The following CIP2A variants were observed in gnomAD, a reference collection of about 807,000 sequenced individuals.
The protein encoded by CIP2A is protein CIP2A.
CIP2A carries 103 observed loss-of-function variants against 110.9 expected under a neutral mutation model. That is an observed-to-expected ratio of 0.93 (90% CI 0.79 to 1.09). The LOEUF (loss-of-function observed/expected upper bound fraction) is 1.09. CIP2A is among the 50% of genes least tolerant of loss of function. The pLI is 0.00. For synonymous variants in CIP2A, 381 were observed against 361.6 expected (o/e 1.05, Z -0.61); for missense variants, 1,088 against 1,038.4 (o/e 1.05, Z -0.66).
chr3:108,589,145 G>T, intron 1 of CIP2A, 129 bp downstream of exon 1: 1 of 673,412 alleles, frequency 1.5e-6, no homozygotes, highest in Admixed American at 2.6e-5. Context: ...TTACCAGTAC[G>T]AAAAGACAAC....
rs747866887 is a variant in CIP2A at position 108,554,492 on chromosome 3, G to GA, written c.2211-4dup. 2.0e-5 allele frequency: 24 copies of GA among 1,179,198 alleles called. No individual in the cohort carries two copies. Among genetic ancestry groups the GA allele is most frequent in the Non-Finnish European group, 3.0e-5 (24 of 811,144 alleles). 73.0% of individuals were successfully genotyped at this position (1,179,198 alleles called of 1,614,324 possible). On this transcript the variant is annotated splice_polypyrimidine_tract_variant and splice_region_variant and intron_variant, in intron 17 of 20. Transcript: ENST00000295746. ...TCTTCTTTTCAGTACTTTCATTTCT[G>GA]AAAAGACAAGAAAATGAGTTGGCAT...
chr3:108,553,575 C>A, intron 19 of CIP2A, 73 bp downstream of exon 19: 2 of 1,283,184 alleles, frequency 1.6e-6, no homozygotes, highest in East Asian at 2.7e-5. Context: ...AATAAAAAAG[C>A]AAACAAAACC....
chr3:108,582,811 T>C (rs1326134513), intron 3 of CIP2A, among the ~76,000 whole-genome samples, 166 bp downstream of exon 3: 2 of 152,228 alleles, frequency 1.3e-5, no homozygotes, highest in Non-Finnish European at 2.9e-5. Context: ...TCTAGAAACA[T>C]TTAAATTGTA....
chr3:108,579,412 T>C lies in CIP2A; in HGVS notation c.687A>G (p.Arg229=), dbSNP rs1938786076. 6.2e-7 allele frequency: 1 copy of C among 1,609,314 alleles called. No homozygotes were observed. The highest frequency in any genetic ancestry group is 1.3e-5 in the African/African-American group (1 of 74,800). Residue 229 remains arginine, a synonymous_variant, in exon 7 of 21, where the codon CGA becomes CGG. Coordinates refer to ENST00000295746, the MANE Select transcript of CIP2A (RefSeq NM_020890.3). ...TTAGTTGAAAAGTCTGATGAATGTT[T>C]CGAGCATGGAATAGCTTAAGGACAA... The part of the protein sequence containing the change: ...EEVGEKLFHA[R]NIHQTFQLIF...
Position 108,559,862 on chromosome 3 carries a change from T to C in CIP2A, c.1908A>G (p.Lys636=). The change falls in exon 16 of 21, where the codon AAA becomes AAG. Residue 636 remains lysine (K), a synonymous_variant. Coordinates refer to ENST00000295746, the MANE Select transcript of CIP2A (RefSeq NM_020890.3). ...YEMKLSTLAS[K]ESRLQDLLET... ...CCAAAAGATCTTGTAGCCTGCTTTC[T>C]TTGGACTACAAGAAAACATATCATT... 1 of 1,606,342 alleles carries C rather than the reference T, an allele frequency of 6.2e-7. No individual in the cohort carries two copies. Among genetic ancestry groups the C allele is most frequent in the Non-Finnish European group, 8.5e-7 (1 of 1,174,280 alleles).
chr3:108,585,806 C>A (rs1229044836), intron 1 of CIP2A: 3 of 449,454 alleles, frequency 6.7e-6, no homozygotes, highest in African/African-American at 2.0e-5. Context: ...TTTAAGTAGC[C>A]AGGCAAGGCA....
chr3:108,554,445 CAT>C lies in CIP2A; in HGVS notation c.2253_2254del (p.Cys752Ter). On this transcript the variant is annotated frameshift_variant, in exon 18 of 21. Transcript: ENST00000295746. LOFTEE classifies it high-confidence loss of function. ...CTCAATTTGTTTATTCAGAGAATCA[CAT>C]GTGATCTGTAAATCTTTATTCTTCT... 6.4e-7 allele frequency: 1 copy of C among 1,556,116 alleles called. No homozygotes were observed. The highest frequency in any genetic ancestry group is 8.8e-7 in the Non-Finnish European group (1 of 1,133,222).
intron 12 of CIP2A, among the ~76,000 whole-genome samples, chr3:108,564,311 A>G (rs969851515): frequency 4.6e-5 from 7 of 152,010 alleles, no homozygotes; most frequent in Non-Finnish European, 1.0e-4. Flanking sequence ...AAAACATGCC[A>G]GTGGTCCCTG....
intron 8 of CIP2A, chr3:108,574,895 A>G: frequency 6.5e-6 from 1 of 152,758 alleles, no homozygotes; most frequent in South Asian, 2.0e-4. Flanking sequence ...GCCAAGTTCA[A>G]GGTCCCTGGC....
chr3:108,582,601 T>TA (rs1369923408), intron 3 of CIP2A, among the ~76,000 whole-genome samples: 1 of 152,236 alleles, frequency 6.6e-6, no homozygotes, highest in Non-Finnish European at 1.5e-5. Flanking sequence ...GAATCTATAT[T>TA]AAATAGACTC....
chr3:108,556,298 A>C (rs62266394), intron 17 of CIP2A, among the ~76,000 whole-genome samples: 31,199 of 152,182 alleles, frequency 0.21, 3,809 homozygotes, highest in East Asian at 0.45. Context: ...TTAAAATATA[A>C]AGCAATAAAC....
chr3:108,559,379 G>A lies in CIP2A; in HGVS notation c.2013+378C>T, dbSNP rs887481023. On this transcript the variant is annotated intron_variant, in intron 16 of 20. Transcript: ENST00000295746. The stretch of plus-strand genomic sequence containing the variant: ...TGTGGTATTTGCTGTATATTTAAAT[G>A]GAGCAACATAGGCACATAGTGCTCA... Among the ~76,000 whole-genome samples, 3 of 152,126 alleles carry A rather than the reference G, an allele frequency of 2.0e-5. No homozygotes were observed. In the South Asian group the frequency reaches 6.2e-4, roughly 32 times the overall value.
intron 19 of CIP2A, among the ~76,000 whole-genome samples, chr3:108,553,114 T>C (rs1296843916): frequency 1.4e-5 from 2 of 143,238 alleles, no homozygotes; most frequent in Non-Finnish European, 3.0e-5. Context: ...ATCATCTCTT[T>C]CCTTTTGTTT....
chr3:108,575,337 TATAC>T (rs1237786576), intron 8 of CIP2A, among the ~76,000 whole-genome samples: 2 of 149,100 alleles, frequency 1.3e-5, no homozygotes, highest in Admixed American at 1.3e-4. Flanking sequence ...CACGTGTATA[TATAC>T]ATATACACAC....
rs1937843173 is a variant in CIP2A, at chr3:108,557,324, T to C, written c.2104A>G (p.Arg702Gly). 1.2e-6 allele frequency: 2 copies of C among 1,613,074 alleles called. No individual in the cohort carries two copies. Among genetic ancestry groups the C allele is most frequent in the Non-Finnish European group, 1.7e-6 (2 of 1,179,338 alleles). The change falls in exon 17 of 21, where the codon AGA becomes GGA. Residue 702 changes from arginine (R) to glycine (G), a missense_variant. Coordinates refer to ENST00000295746, the MANE Select transcript of CIP2A (RefSeq NM_020890.3). ...AGATGCTCAATATCACTCTGCGCTC[T>C]TTCTGATTCAACTTGCTGCGCCTTC... ...LLKAQQVESE[R>G]AQSDIEHLFQ...
intron 2 of CIP2A, among the ~76,000 whole-genome samples, 156 bp from the exon 3 acceptor site, chr3:108,583,239 C>A (rs1328120650): frequency 6.6e-6 from 1 of 152,002 alleles, no homozygotes; most frequent in Non-Finnish European, 1.5e-5. Flanking sequence ...TTCAGAAATT[C>A]AAATGATTTC....
In CIP2A at chr3:108,583,051, T is replaced by G; in HGVS notation, c.283A>C (p.Asn95His). The G allele has an allele frequency of 6.2e-7, 1 of 1,601,784 alleles. No homozygotes were observed. Among genetic ancestry groups the G allele is most frequent in the East Asian group, 2.3e-5 (1 of 44,188 alleles). ...VDIETRDCLQ[N>H]TYNLNSVLAG... is the part of the protein sequence containing the mutation. ...AGCACACTATTCAGATTATATGTAT[T>G]CTGAAGACAATCTCTGGTTTCAATG... Residue 95 changes from asparagine (N) to histidine (H), a missense_variant, in exon 3 of 21, where the codon AAT becomes CAT. Asn to His is a moderately conservative substitution (Grantham distance 68, BLOSUM62 1). Transcript: ENST00000295746.
intron 5 of CIP2A, among the ~76,000 whole-genome samples, chr3:108,581,003 C>A (rs1319172313): frequency 1.3e-5 from 2 of 152,202 alleles, no homozygotes; most frequent in Non-Finnish European, 2.9e-5. Flanking sequence ...TTGGTTCATA[C>A]TGAGCACTTA....
chr3:108,587,430 G>A (rs752049491), intron 1 of CIP2A, among the ~76,000 whole-genome samples: 1 of 152,156 alleles, frequency 6.6e-6, no homozygotes, highest in Non-Finnish European at 1.5e-5. Context: ...AGTACATATT[G>A]TATGAGTCTA....
Sources: allele counts gnomAD v4.1 joint callset (sites outside exome capture counted in the v4.1 genomes callset), GRCh38; gene constraint gnomAD v4.1.1; transcripts MANE v1.5; gene names NCBI Gene and HGNC (gene_info 2026-07-23, HGNC 2026-07-21).